Variants in PPM1H observed in about 807,000 individuals in gnomAD.
PPM1H encodes protein phosphatase 1H.
PPM1H carries 27 observed loss-of-function variants against 54.9 expected under a neutral mutation model. The ratio of observed to expected loss-of-function variants is 0.49; its 90% CI spans 0.36 to 0.68. The LOEUF (loss-of-function observed/expected upper bound fraction) is 0.68, where lower values mean the gene tolerates loss of function less well. PPM1H is among the 30% of genes least tolerant of loss of function. PPM1H has a pLI of 0.00. For missense variants in PPM1H, 596 were observed against 667.8 expected (o/e 0.89, Z 1.19); for synonymous variants, 305 against 270.8 (o/e 1.13, Z -1.24).
chr12:62,934,441 G>T lies in PPM1H; in HGVS notation c.245+51C>A. 1 of 1,491,238 alleles carries T rather than the reference G, an allele frequency of 6.7e-7. No homozygotes were observed. The highest frequency in any genetic ancestry group is 1.3e-5 in the South Asian group (1 of 76,112). The allele number at this position is 1,491,238 out of a possible 1,614,324, so 92.4% of individuals were successfully genotyped here. A position where few individuals can be genotyped will look rare whatever the true frequency, so the allele number is the denominator to read the frequency against. The stretch of plus-strand genomic sequence containing the variant: ...GGAGAGAAGAGGGCTGGAACCGTGC[G>T]GGGAAGGGCCGCGAGGAGAGCAGGG... On this transcript the variant is annotated intron_variant, in intron 1 of 9. Transcript: ENST00000228705. This position sits in a 1 kb window ranked among gnomAD's most constrained non-coding sequence, Gnocchi z 4.2.
intron 8 of PPM1H, among the ~76,000 whole-genome samples, chr12:62,668,799 G>A (rs1251464558): frequency 6.6e-6 from 1 of 152,224 alleles, no homozygotes. Context: ...TCAGCCTAGA[G>A]ACTAAATCTG....
chr12:62,818,780 C>A (rs1395535894), intron 2 of PPM1H, among the ~76,000 whole-genome samples: 1 of 152,040 alleles, frequency 6.6e-6, no homozygotes, highest in African/African-American at 2.4e-5. Flanking sequence ...ATACTACATA[C>A]CTGCTTCATC....
At chr12:62,691,893 A>C (rs1466659107) in intron 7 of PPM1H, among the ~76,000 whole-genome samples, 3 of 151,530 alleles carry the variant, frequency 2.0e-5, no homozygotes, top group African/African-American at 7.3e-5. Context: ...CCTTCTAGCC[A>C]AGAAGTGCTC....
At chr12:62,831,802 C>T (rs771348602) in intron 2 of PPM1H, among the ~76,000 whole-genome samples, 1 of 137,778 alleles carries the variant, frequency 7.3e-6, no homozygotes, top group African/African-American at 2.7e-5. Flanking sequence ...CACACACACA[C>T]ACATATATAT....
At chr12:62,767,163 T>C (rs1039780285) in intron 4 of PPM1H, among the ~76,000 whole-genome samples, 9 of 151,958 alleles carry the variant, frequency 5.9e-5, no homozygotes, top group African/African-American at 2.2e-4. Context: ...GCCTGGAGTG[T>C]GGGAGGGAAG....
intron 9 of PPM1H, among the ~76,000 whole-genome samples, chr12:62,661,979 TG>T (rs1174511643): frequency 2.0e-5 from 3 of 152,388 alleles, no homozygotes; most frequent in African/African-American, 7.2e-5. Flanking sequence ...TGCTTTGGTT[TG>T]CCATCTTCCC....
At chr12:62,663,847 T>C (rs1324735491) in intron 9 of PPM1H, among the ~76,000 whole-genome samples, 1 of 152,014 alleles carries the variant, frequency 6.6e-6, no homozygotes, top group Non-Finnish European at 1.5e-5. Flanking sequence ...CAAAATTAGC[T>C]GGGCGTGGTG....
At position 62,801,991 on chromosome 12, in the gene PPM1H, T is replaced by A. The variant is rs2076773418; in HGVS notation, c.581A>T (p.Glu194Val). 1.9e-6 allele frequency: 3 copies of A among 1,612,986 alleles called. No individual in the cohort carries two copies. The highest frequency in any genetic ancestry group is 2.5e-6 in the Non-Finnish European group (3 of 1,179,458). ...SAVLPPTCLG[E>V]EPENTPANSR... Reference sequence around the variant, plus strand: ...GTTGGCGGGCGTGTTCTCAGGCTCCTCCCCCAGGCAGGTAGGGGGCAGGAC... The same window carrying A: ...GTTGGCGGGCGTGTTCTCAGGCTCCACCCCCAGGCAGGTAGGGGGCAGGAC... The change falls in exon 3 of 10, where the codon GAG (glutamate) becomes GTG (valine). Residue 194 changes from glutamate (E) to valine (V), a missense_variant. Around this residue, in one of 3 missense-constraint regions of PPM1H, gnomAD observed 382 missense variants for 387.1 expected, o/e 0.99. Transcript: ENST00000228705.
At chr12:62,748,255 G>GA (rs770925444) in intron 4 of PPM1H, among the ~76,000 whole-genome samples, 137 of 149,852 alleles carry the variant, frequency 9.1e-4, no homozygotes, top group East Asian at 3.1e-3. Context: ...AAAAAAAAAA[G>GA]AAAAAAAAAG....
intron 7 of PPM1H, among the ~76,000 whole-genome samples, chr12:62,693,530 G>A (rs998069903): frequency 2.0e-5 from 3 of 152,204 alleles, no homozygotes; most frequent in Admixed American, 6.5e-5. Context: ...ATCTGCCTGA[G>A]CTGTTTTAAC....
At chr12:62,765,722 G>C (rs903578085) in intron 4 of PPM1H, among the ~76,000 whole-genome samples, 1 of 152,216 alleles carries the variant, frequency 6.6e-6, no homozygotes, top group African/African-American at 2.4e-5. Context: ...AGGGATCAGT[G>C]AACAGGTGTC....
intron 8 of PPM1H, among the ~76,000 whole-genome samples, chr12:62,678,971 G>C (rs1392136721): frequency 6.6e-6 from 1 of 151,998 alleles, no homozygotes; most frequent in Non-Finnish European, 1.5e-5. Context: ...ACAGGCAGCA[G>C]CTACCACACC....
At chr12:62,810,467 C>G (rs927958805) in intron 2 of PPM1H, among the ~76,000 whole-genome samples, 1 of 152,066 alleles carries the variant, frequency 6.6e-6, no homozygotes, top group African/African-American at 2.4e-5. Flanking sequence ...CACTGTCTCC[C>G]TCTCTCTCTC....
At chr12:62,754,215 T>G (rs2076457301) in intron 4 of PPM1H, among the ~76,000 whole-genome samples, 1 of 152,182 alleles carries the variant, frequency 6.6e-6, no homozygotes, top group Admixed American at 6.5e-5. Context: ...AGGTATAATT[T>G]TTTTTAACAT....
chr12:62,704,104 G>A (rs1160113991), intron 6 of PPM1H, among the ~76,000 whole-genome samples: 2 of 151,558 alleles, frequency 1.3e-5, no homozygotes, highest in African/African-American at 4.9e-5. Flanking sequence ...TTTTTTCCCG[G>A]TTTCTAAGAT....
At chr12:62,781,621 A>C (rs1004550269) in intron 4 of PPM1H, among the ~76,000 whole-genome samples, 1 of 152,228 alleles carries the variant, frequency 6.6e-6, no homozygotes, top group Non-Finnish European at 1.5e-5. Flanking sequence ...CCACCCACTG[A>C]GTTTCAGCGA....
chr12:62,921,856 T>G (rs1871809599), intron 1 of PPM1H, among the ~76,000 whole-genome samples: 1 of 152,198 alleles, frequency 6.6e-6, no homozygotes, highest in East Asian at 1.9e-4. Flanking sequence ...CCAAATTAAA[T>G]TTTACAGGGG....
chr12:62,697,149 C>T (rs2076119261), intron 6 of PPM1H, among the ~76,000 whole-genome samples: 1 of 112,410 alleles, frequency 8.9e-6, no homozygotes, highest in African/African-American at 5.0e-5. Flanking sequence ...TTTTTTGAGA[C>T]AGAGTCTCGC....
chr12:62,879,953 C>T (rs964761451), intron 1 of PPM1H, among the ~76,000 whole-genome samples: 3 of 152,060 alleles, frequency 2.0e-5, no homozygotes, highest in Non-Finnish European at 4.4e-5. Flanking sequence ...ATTAGACACT[C>T]TATTCTAAAG....
Sources: allele counts gnomAD v4.1 joint callset (sites outside exome capture counted in the v4.1 genomes callset), GRCh38; gene constraint gnomAD v4.1.1; regional missense constraint gnomAD v4.1.1; non-coding constraint Gnocchi (gnomAD v3.1); transcripts MANE v1.5; gene names NCBI Gene and HGNC (gene_info 2026-07-23, HGNC 2026-07-21).